Variants in PWWP2B observed in about 807,000 individuals in gnomAD.
PWWP2B encodes the protein PWWP domain-containing protein 2B.
A neutral mutation model predicts 15.5 loss-of-function variants in PWWP2B; 9 were observed. The ratio of observed to expected loss-of-function variants is 0.58; its 90% CI spans 0.35 to 1.02. The LOEUF (loss-of-function observed/expected upper bound fraction) is 1.02, where lower values mean the gene tolerates loss of function less well. Ranked by LOEUF, PWWP2B falls within the 50% of genes least tolerant of loss-of-function variation. PWWP2B has a pLI of 0.02. For synonymous variants in PWWP2B, 474 were observed against 403.6 expected (o/e 1.17, Z -2.09); for missense variants, 864 against 865.3 (o/e 1.00, Z 0.02).
chr10:132,409,275 TCTC>T (rs1250091126), intron 2 of PWWP2B, among the ~76,000 whole-genome samples: 4 of 152,164 alleles, frequency 2.6e-5, no homozygotes, highest in Non-Finnish European at 5.9e-5. Context: ...CCCTGGGACT[TCTC>T]CTACACCCAC....
chr10:132,401,777 C>T (rs1221538235), intron 1 of PWWP2B, among the ~76,000 whole-genome samples: 2 of 152,262 alleles, frequency 1.3e-5, no homozygotes, highest in Non-Finnish European at 2.9e-5. Flanking sequence ...GGCCAATCTG[C>T]GAAATGGGAA....
chr10:132,416,664 G>A (rs1037033718), intron 2 of PWWP2B, among the ~76,000 whole-genome samples: 2 of 152,116 alleles, frequency 1.3e-5, no homozygotes, highest in African/African-American at 2.4e-5. Flanking sequence ...GGGTCTCCAC[G>A]GGGCCGTCAG....
rs772846394 is a variant in PWWP2B, at chr10:132,405,744, C to T, written c.1244C>T (p.Ala415Val). 12 of 1,608,824 alleles carry T rather than the reference C, an allele frequency of 7.5e-6. No homozygotes were observed. The highest frequency in any genetic ancestry group is 1.3e-5 in the African/African-American group (1 of 75,056). The change falls in exon 2 of 3, where the codon GCG (alanine) becomes GTG (valine). Residue 415 changes from alanine (A) to valine (V), a missense_variant. Physicochemically the swap from Ala to Val is moderately conservative, Grantham distance 64. Transcript: ENST00000305233. ...CTCGTCAGCTGCCCTGAGGGGAGAG[C>T]GGACTGTGCCAGTGAGTCGGCGTGC... Reference protein sequence around the residue: ...AFLVSCPEGRADCASESACSS... With the variant: ...AFLVSCPEGRVDCASESACSS...
rs1425340966 is a variant in PWWP2B at position 132,417,200 on chromosome 10, A to AG, written c.*157dup. The AG allele has an allele frequency of 1.8e-6, 2 of 1,096,758 alleles. No homozygotes were observed. Among genetic ancestry groups the AG allele is most frequent in the Non-Finnish European group, 2.8e-6 (2 of 719,742 alleles). 67.9% of individuals were successfully genotyped at this position (1,096,758 alleles called of 1,614,324 possible). A position where few individuals can be genotyped will look rare whatever the true frequency, so the allele number is the denominator to read the frequency against. ...GGTGTGAGGCCCCCCGGGGACCGGC[A>AG]GTGTGTCCAGGGAGGGGATGGCCCT... On this transcript the variant is annotated 3_prime_UTR_variant, in exon 3 of 3. Transcript: ENST00000305233.
At chr10:132,414,479 C>T (rs2069818735) in intron 2 of PWWP2B, among the ~76,000 whole-genome samples, 1 of 152,180 alleles carries the variant, frequency 6.6e-6, no homozygotes, top group South Asian at 2.1e-4. Flanking sequence ...CCAGCTGTGG[C>T]CTCTGCGGAT....
chr10:132,401,123 C>A (rs2069609536), intron 1 of PWWP2B, among the ~76,000 whole-genome samples: 1 of 152,226 alleles, frequency 6.6e-6, no homozygotes, highest in Non-Finnish European at 1.5e-5. Context: ...TAAGGCTCGG[C>A]CACTTGTGTC....
chr10:132,401,684 C>T (rs2069617983), intron 1 of PWWP2B, among the ~76,000 whole-genome samples: 1 of 152,264 alleles, frequency 6.6e-6, no homozygotes, highest in Non-Finnish European at 1.5e-5. Context: ...CCTGTGCCAG[C>T]GCCGTCCCCG....
intron 1 of PWWP2B, 98 bp downstream of exon 1, chr10:132,397,449 C>T (rs1188763989): frequency 5.8e-6 from 6 of 1,025,754 alleles, no homozygotes; most frequent in Non-Finnish European, 5.9e-6. Flanking sequence ...TTGGGGGTGG[C>T]GTGGCCCCGG....
intron 2 of PWWP2B, among the ~76,000 whole-genome samples, chr10:132,414,672 T>C (rs545869121): frequency 6.6e-6 from 1 of 152,400 alleles, no homozygotes; most frequent in East Asian, 1.9e-4. Context: ...CAGCTGCCTC[T>C]TCCTTCTGAG....
chr10:132,411,550 G>T (rs1255590597), intron 2 of PWWP2B, among the ~76,000 whole-genome samples: 1 of 152,278 alleles, frequency 6.6e-6, no homozygotes, highest in Non-Finnish European at 1.5e-5. Flanking sequence ...GGGGCCCGTG[G>T]GGCAAGGGAG....
intron 2 of PWWP2B, 73 bp downstream of exon 2, chr10:132,406,362 C>A: frequency 7.7e-7 from 1 of 1,302,590 alleles, no homozygotes; most frequent in Non-Finnish European, 1.0e-6. Flanking sequence ...CATGCCTCTG[C>A]TCCGGGCCCT....
chr10:132,414,673 T>A (rs993942850), intron 2 of PWWP2B, among the ~76,000 whole-genome samples: 1 of 152,242 alleles, frequency 6.6e-6, no homozygotes, highest in African/African-American at 2.4e-5. Flanking sequence ...AGCTGCCTCT[T>A]CCTTCTGAGA....
chr10:132,407,407 G>A (rs113934395), intron 2 of PWWP2B, among the ~76,000 whole-genome samples: 8 of 152,360 alleles, frequency 5.3e-5, no homozygotes, highest in African/African-American at 1.9e-4. Context: ...GGTGACGTCT[G>A]GTGACCTTGT....
Position 132,406,188 on chromosome 10 carries a change from A to G in PWWP2B, c.1688A>G (p.Tyr563Cys), listed in dbSNP as rs756213223. The change falls in exon 2 of 3, where the codon TAT becomes TGT. Residue 563 changes from tyrosine to cysteine, a missense_variant. Coordinates refer to ENST00000305233, the MANE Select transcript of PWWP2B (RefSeq NM_138499.4). ...TTTAATCGTAAGAAGAAGGGGATGTATCGGAAAGCTATAACCGAGGCTGCA... is the reference window on the plus strand; with the variant it reads ...TTTAATCGTAAGAAGAAGGGGATGTGTCGGAAAGCTATAACCGAGGCTGCA... ...LRFNRKKKGM[Y>C]RKAITEAANA... The G allele has an allele frequency of 1.2e-6, 2 of 1,613,370 alleles. No individual in the cohort carries two copies. The highest frequency in any genetic ancestry group is 1.7e-6 in the Non-Finnish European group (2 of 1,180,008).
chr10:132,404,018 C>T (rs868165149), intron 1 of PWWP2B, among the ~76,000 whole-genome samples: 24,419 of 68,092 alleles, frequency 0.36, 2,598 homozygotes, highest in Middle Eastern at 0.45. Flanking sequence ...AGGGCTCCTG[C>T]AGGACGGCAT....
chr10:132,415,654 C>T (rs1590768249), intron 2 of PWWP2B, among the ~76,000 whole-genome samples: 1 of 150,200 alleles, frequency 6.7e-6, no homozygotes, highest in East Asian at 2.0e-4. Context: ...CTCACACACA[C>T]ATGCACTCAC....
At chr10:132,402,213 G>A (rs1010366276) in intron 1 of PWWP2B, among the ~76,000 whole-genome samples, 1 of 152,254 alleles carries the variant, frequency 6.6e-6, no homozygotes, top group Non-Finnish European at 1.5e-5. Flanking sequence ...GGCTGGCTCC[G>A]TTTGTGGGGC....
Position 132,405,855 on chromosome 10 carries a change from C to T in PWWP2B, c.1355C>T (p.Ala452Val), listed in dbSNP as rs780142071. 1.4e-5 allele frequency: 22 copies of T among 1,611,124 alleles called. No individual in the cohort carries two copies. Among genetic ancestry groups the T allele is most frequent in the South Asian group, 5.5e-5 (5 of 91,034 alleles). The change falls in exon 2 of 3, where the codon GCG becomes GTG. Residue 452 changes from alanine (A) to valine (V), a missense_variant. By Grantham distance (64) the Ala-to-Val change is moderately conservative (BLOSUM62 0). Coordinates refer to ENST00000305233, the MANE Select transcript of PWWP2B (RefSeq NM_138499.4). ...GGTGACCTCTCGCCTGGCCACGGCG[C>T]GTCAGCGCCCTCGGTGTCCAGAGAG... is the stretch of plus-strand genomic sequence containing the variant. Reference protein sequence around the residue: ...DTGDLSPGHGASAPSVSREAR... With the variant: ...DTGDLSPGHGVSAPSVSREAR...
chr10:132,398,876 C>A (rs2069573441), intron 1 of PWWP2B, among the ~76,000 whole-genome samples: 1 of 152,196 alleles, frequency 6.6e-6, no homozygotes. Context: ...CTTGGGCTGG[C>A]CCCCTTGTCC....
Sources: gnomAD v4.1 joint callset for allele counts (sites outside exome capture counted in the v4.1 genomes callset) on GRCh38, gnomAD v4.1.1 for gene constraint, MANE v1.5 for transcripts, NCBI Gene and HGNC (gene_info 2026-07-23, HGNC 2026-07-21) for gene names.